AP1S2: variants seen among roughly 807,000 people sequenced by gnomAD.
AP1S2 encodes the protein AP-1 complex subunit sigma-2.
Under a neutral mutation model 14.3 loss-of-function variants are expected in AP1S2, and 1 was observed. The observed-to-expected ratio is 0.07, with a 90% CI of 0.02 to 0.33. AP1S2 has a LOEUF of 0.33. Ranked by LOEUF, AP1S2 falls within the 10% of genes least tolerant of loss-of-function variation. AP1S2 has a pLI of 0.99. For synonymous variants in AP1S2, 30 were observed against 40.5 expected (o/e 0.74, Z 0.99); for missense variants, 30 against 117.7 (o/e 0.25, Z 3.45).
intron 2 of AP1S2, among the ~76,000 whole-genome samples, chrX:15,846,213 A>G (rs1238207922): frequency 2.7e-5 from 3 of 112,265 alleles, no homozygotes; most frequent in Non-Finnish European, 5.6e-5. Flanking sequence ...TAAAGAAAAA[A>G]TCAAAATAAT....
chrX:15,840,490 T>C, intron 4 of AP1S2: 2 of 930,641 alleles, frequency 2.1e-6, no homozygotes, highest in Non-Finnish European at 2.8e-6. Context: ...GTAAATTTAG[T>C]AGTTACCAAT....
rs573328580 is a variant in AP1S2, at chrX:15,833,120, TTA to T, written c.427-4922_427-4921del. 1.0e-4 allele frequency: 103 copies of T among 987,903 alleles called. 1 individual carries two copies. In the South Asian group the frequency reaches 2.7e-3, roughly 26 times the overall value. The allele number at this position is 987,903 out of a possible 1,213,427, so 81.4% of individuals were successfully genotyped here. ...AATACCAGTTCTTTGAGCCTTTATATTATAGTTTATCATCTTTTTCTTTTCTC... is the reference window on the plus strand; with the variant it reads ...AATACCAGTTCTTTGAGCCTTTATATTAGTTTATCATCTTTTTCTTTTCTC... On this transcript the variant is annotated intron_variant, in intron 4 of 5. Coordinates refer to ENST00000672987, the MANE Select transcript of AP1S2 (RefSeq NM_001272071.2).
intron 4 of AP1S2, chrX:15,831,490 T>G: frequency 1.4e-6 from 1 of 722,442 alleles, no homozygotes; most frequent in Non-Finnish European, 1.7e-6. Flanking sequence ...ATATCAGCAT[T>G]CTATTTCCTC....
rs1555902009 is a variant in AP1S2, at chrX:15,827,377, G to A, written c.436-5C>T. The A allele has an allele frequency of 2.5e-6, 3 of 1,202,524 alleles. No homozygotes were observed. Among genetic ancestry groups the A allele is most frequent in the Non-Finnish European group, 2.3e-6 (2 of 886,977 alleles). Reference sequence around the variant, plus strand: ...ACTACGTGGGGTTTCAGCTTCCTGTGGAGGGAAAATGTGAGACTCTGGTAA... The same window carrying A: ...ACTACGTGGGGTTTCAGCTTCCTGTAGAGGGAAAATGTGAGACTCTGGTAA... On this transcript the variant is annotated splice_region_variant and splice_polypyrimidine_tract_variant and intron_variant, in intron 5 of 5. Coordinates refer to ENST00000672987, the MANE Select transcript of AP1S2 (RefSeq NM_001272071.2).
intron 2 of AP1S2, among the ~76,000 whole-genome samples, chrX:15,847,940 C>T (rs1339442667): frequency 1.8e-5 from 2 of 111,922 alleles, no homozygotes; most frequent in Non-Finnish European, 3.8e-5. Flanking sequence ...TACTATTAAA[C>T]AAGCTAATGC....
intron 4 of AP1S2, 117 bp from the exon 5 acceptor site, chrX:15,828,317 C>A: frequency 2.1e-6 from 1 of 482,415 alleles, no homozygotes. Flanking sequence ...ATTACTTAAA[C>A]TCTATGGTCT....
At chrX:15,854,101 G>A (rs1445445669) in intron 1 of AP1S2, among the ~76,000 whole-genome samples, 1 of 112,487 alleles carries the variant, frequency 8.9e-6, no homozygotes, top group African/African-American at 3.2e-5. Context: ...GACGAAACCC[G>A]GTTGCAAAGC....
intron 2 of AP1S2, among the ~76,000 whole-genome samples, chrX:15,846,723 G>A (rs372968490): frequency 6.0e-4 from 67 of 112,386 alleles, no homozygotes; most frequent in African/African-American, 2.0e-3. Flanking sequence ...CGTTATTACA[G>A]AAGTTAGAGA....
rs1487170080 is a variant in AP1S2, at chrX:15,826,072, T to A, written c.*1253A>T. 1 of 112,334 alleles carries A rather than the reference T, an allele frequency of 8.9e-6. No individual in the cohort carries two copies. The highest frequency in any genetic ancestry group is 2.8e-4 in the East Asian group (1 of 3,602). 9.3% of individuals were successfully genotyped at this position (112,334 alleles called of 1,213,427 possible). A position where few individuals can be genotyped will look rare whatever the true frequency, so the allele number is the denominator to read the frequency against. ...AGAGATAAAAACACACTCCAGTGTT[T>A]GTACGTTGAACGTTTATTACAACTA... On this transcript the variant is annotated 3_prime_UTR_variant, in exon 6 of 6. Transcript: ENST00000672987.
chrX:15,828,119 G>T, intron 5 of AP1S2, 73 bp downstream of exon 5: 1 of 847,377 alleles, frequency 1.2e-6, no homozygotes, highest in Non-Finnish European at 1.6e-6. Flanking sequence ...AACGAATTTT[G>T]TAATTAAAAG....
At chrX:15,838,511 C>G (rs896278785) in intron 4 of AP1S2, among the ~76,000 whole-genome samples, 2 of 109,402 alleles carry the variant, frequency 1.8e-5, no homozygotes, top group African/African-American at 6.7e-5. Context: ...AAAATCACCA[C>G]CGACACCACA....
chrX:15,837,224 T>C (rs1337405352), intron 4 of AP1S2, among the ~76,000 whole-genome samples: 1 of 112,201 alleles, frequency 8.9e-6, no homozygotes, highest in Non-Finnish European at 1.9e-5. Context: ...ATATCTTCAC[T>C]AAGTAAAACC....
intron 4 of AP1S2, among the ~76,000 whole-genome samples, chrX:15,844,495 C>A (rs771235535): frequency 2.7e-5 from 3 of 112,821 alleles, no homozygotes; most frequent in Admixed American, 9.4e-5. Context: ...TTAACAACTA[C>A]TTTAGTGAAA....
chrX:15,851,009 T>C (rs1430257941), intron 2 of AP1S2, among the ~76,000 whole-genome samples: 1 of 111,119 alleles, frequency 9.0e-6, no homozygotes, highest in Non-Finnish European at 1.9e-5. Flanking sequence ...TGCAGAGGGG[T>C]AAAGGCCAAG....
At chrX:15,834,015 A>G (rs372018930) in intron 4 of AP1S2, among the ~76,000 whole-genome samples, 9 of 111,504 alleles carry the variant, frequency 8.1e-5, no homozygotes, top group Non-Finnish European at 1.5e-4. Context: ...GTGAGAAAAA[A>G]TTTTTTAATC....
At chrX:15,829,731 T>TTATC (rs1202911141) in intron 4 of AP1S2, among the ~76,000 whole-genome samples, 5 of 111,763 alleles carry the variant, frequency 4.5e-5, no homozygotes, top group Admixed American at 1.9e-4. Context: ...AGAAAAACTA[T>TTATC]TATCTATCTA....
intron 4 of AP1S2, among the ~76,000 whole-genome samples, chrX:15,835,163 T>C (rs774637374): frequency 5.3e-5 from 6 of 112,543 alleles, no homozygotes; most frequent in Admixed American, 9.4e-5. Context: ...AAACTCCTGA[T>C]TCTCTTTCTA....
intron 5 of AP1S2, among the ~76,000 whole-genome samples, chrX:15,827,613 C>A (rs1409941667): frequency 9.0e-6 from 1 of 111,709 alleles, no homozygotes; most frequent in African/African-American, 3.3e-5. Flanking sequence ...GTGCTAGATG[C>A]CGTTGCTGTC....
At chrX:15,842,031 C>T (rs1933850843) in intron 4 of AP1S2, among the ~76,000 whole-genome samples, 1 of 111,526 alleles carries the variant, frequency 9.0e-6, no homozygotes, top group Admixed American at 9.6e-5. Flanking sequence ...TAACCTTTCA[C>T]AGGGTGTCTT....
Sources: allele counts gnomAD v4.1 joint callset (sites outside exome capture counted in the v4.1 genomes callset), GRCh38; gene constraint gnomAD v4.1.1; transcripts MANE v1.5; gene names NCBI Gene and HGNC (gene_info 2026-07-23, HGNC 2026-07-21).